Variants in BOC observed in about 807,000 individuals in gnomAD.
BOC encodes the protein BOC cell adhesion associated, oncogene regulated.
In BOC, 76 loss-of-function variants were observed where a neutral mutation model predicts 112.0. That is an observed-to-expected ratio of 0.68 (90% CI 0.56 to 0.82). The LOEUF (loss-of-function observed/expected upper bound fraction) is 0.82. Ranked by LOEUF, BOC falls within the 40% of genes least tolerant of loss-of-function variation. The pLI is 0.00. For missense variants in BOC, 1,309 were observed against 1,511.7 expected (o/e 0.87, Z 2.22); for synonymous variants, 580 against 599.8 (o/e 0.97, Z 0.48).
intron 2 of BOC, among the ~76,000 whole-genome samples, chr3:113,220,111 G>T (rs954774411): frequency 1.3e-5 from 2 of 152,084 alleles, no homozygotes; most frequent in Non-Finnish European, 2.9e-5. Context: ...AACACCCTGG[G>T]GAAGGAAGTA....
chr3:113,272,663 G>GC lies in BOC; in HGVS notation c.924dup (p.Gly309ArgfsTer13). 1 of 1,613,874 alleles carries GC rather than the reference G, an allele frequency of 6.2e-7. No homozygotes were observed. Among genetic ancestry groups the GC allele is most frequent in the Non-Finnish European group, 8.5e-7 (1 of 1,179,978 alleles). ...GCATGGCCGACAATGGGGTTGGGCA[G>GC]CCCGGGGCAGCGGTCATCCTCTACA... is the stretch of plus-strand genomic sequence containing the variant. On this transcript the variant is annotated frameshift_variant, in exon 7 of 20. Coordinates refer to ENST00000682979, the MANE Select transcript of BOC (RefSeq NM_001378074.1). LOFTEE classifies it high-confidence loss of function.
chr3:113,284,911 T>C, intron 18 of BOC, 53 bp downstream of exon 18: 1 of 1,535,548 alleles, frequency 6.5e-7, no homozygotes, highest in Non-Finnish European at 9.0e-7. Context: ...CACTTTCCCT[T>C]TAGCTCCTCA....
chr3:113,260,167 C>T (rs546453059), intron 4 of BOC, among the ~76,000 whole-genome samples: 8 of 152,252 alleles, frequency 5.3e-5, no homozygotes, highest in African/African-American at 1.9e-4. Flanking sequence ...ACACCATAGG[C>T]CTTCTGTGAA....
At chr3:113,267,663 C>T (rs1046080440) in intron 4 of BOC, among the ~76,000 whole-genome samples, 2 of 152,198 alleles carry the variant, frequency 1.3e-5, no homozygotes, top group African/African-American at 4.8e-5. Context: ...TAACCATGGC[C>T]GGCAACCAAG....
intron 2 of BOC, among the ~76,000 whole-genome samples, chr3:113,223,279 C>CAATTTTAAA (rs2107635917): frequency 6.6e-6 from 1 of 152,278 alleles, no homozygotes; most frequent in African/African-American, 2.4e-5. Context: ...ATTAGTAGCC[C>CAATTTTAAA]TTTTTAAAAA....
intron 2 of BOC, among the ~76,000 whole-genome samples, chr3:113,217,368 CA>C (rs1302369888): frequency 1.3e-5 from 2 of 152,022 alleles, no homozygotes; most frequent in African/African-American, 4.8e-5. Context: ...AACAAACAAA[CA>C]AACAAAAATT....
At chr3:113,226,705 G>A (rs185283233) in intron 2 of BOC, among the ~76,000 whole-genome samples, 6 of 152,258 alleles carry the variant, frequency 3.9e-5, no homozygotes, top group Admixed American at 3.3e-4. Flanking sequence ...CTGGCTAGGG[G>A]GTGCTGACCT....
At position 113,287,307 on chromosome 3, in the gene BOC, T is replaced by C. The variant is rs1949772790; in HGVS notation, c.*445T>C. On this transcript the variant is annotated 3_prime_UTR_variant, in exon 20 of 20. Transcript: ENST00000682979. ...TGGATCCGGTGCTACGGGAAACATTTTCCTAAGATGCCCATGAGAACAGAC... is the reference window on the plus strand; with the variant it reads ...TGGATCCGGTGCTACGGGAAACATTCTCCTAAGATGCCCATGAGAACAGAC... 1 of 304,846 alleles carries C rather than the reference T, an allele frequency of 3.3e-6. No homozygotes were observed. The highest frequency in any genetic ancestry group is 4.5e-5 in the Admixed American group (1 of 22,002). The allele number at this position is 304,846 out of a possible 1,614,324, so 18.9% of individuals were successfully genotyped here.
intron 2 of BOC, among the ~76,000 whole-genome samples, chr3:113,217,296 G>C (rs1576310551): frequency 6.6e-6 from 1 of 152,222 alleles, no homozygotes; most frequent in South Asian, 2.1e-4. Flanking sequence ...TGGGAAGACT[G>C]CTTGAACCCA....
intron 2 of BOC, among the ~76,000 whole-genome samples, chr3:113,233,541 C>T (rs1054220710): frequency 2.0e-5 from 3 of 152,150 alleles, no homozygotes; most frequent in African/African-American, 7.2e-5. Context: ...TATGTGACTA[C>T]AGTGCTCGCT....
chr3:113,263,130 T>A (rs1381217232), intron 4 of BOC, among the ~76,000 whole-genome samples: 2 of 152,202 alleles, frequency 1.3e-5, no homozygotes, highest in Non-Finnish European at 2.9e-5. Flanking sequence ...CAGGGACAAG[T>A]TGAGGCTTGG....
Position 113,278,040 on chromosome 3 carries a change from C to T in BOC, c.1543-55C>T. The T allele has an allele frequency of 6.3e-7, 1 of 1,595,676 alleles. No individual in the cohort carries two copies. The highest frequency in any genetic ancestry group is 8.6e-7 in the Non-Finnish European group (1 of 1,166,242). On this transcript the variant is annotated intron_variant, in intron 9 of 19. Coordinates refer to ENST00000682979, the MANE Select transcript of BOC (RefSeq NM_001378074.1). The surrounding 1 kb of genome is among the most constrained non-coding windows in gnomAD (Gnocchi z 4.2). ...GCGCTGCTTTCTTTGTAAACCATAG[C>T]CCACTCGTAGCCCGAGGCTGAGATG...
chr3:113,242,798 C>T (rs1944465403), intron 2 of BOC, among the ~76,000 whole-genome samples: 1 of 152,040 alleles, frequency 6.6e-6, no homozygotes, highest in South Asian at 2.1e-4. Context: ...AGTGTCCTAC[C>T]TTGTCTCTTT....
chr3:113,279,098 A>T, intron 11 of BOC, 151 bp from the exon 12 acceptor site: 1 of 799,596 alleles, frequency 1.3e-6, no homozygotes, highest in Non-Finnish European at 2.0e-6. Context: ...GGGAGGTCTG[A>T]TGTGAACACC....
At chr3:113,250,409 A>G in intron 3 of BOC, 146 bp from the exon 4 acceptor site, 1 of 904,994 alleles carries the variant, frequency 1.1e-6, no homozygotes, top group Non-Finnish European at 1.6e-6. Context: ...GCAGGTTGGG[A>G]AATGGACAAG....
chr3:113,260,907 C>T (rs1946804432), intron 4 of BOC, among the ~76,000 whole-genome samples: 1 of 152,030 alleles, frequency 6.6e-6, no homozygotes, highest in Admixed American at 6.6e-5. Flanking sequence ...CAAAACCATC[C>T]CCCCCAGTCT....
At chr3:113,247,899 T>G (rs529118958) in intron 2 of BOC, among the ~76,000 whole-genome samples, 1 of 152,374 alleles carries the variant, frequency 6.6e-6, no homozygotes, top group East Asian at 1.9e-4. Flanking sequence ...GAAATTATCT[T>G]AACTTGCCAG....
chr3:113,286,540 C>G, intron 19 of BOC, 135 bp from the exon 20 acceptor site: 2 of 793,460 alleles, frequency 2.5e-6, no homozygotes, highest in Non-Finnish European at 3.9e-6. Context: ...GCCCTTGTCT[C>G]GGTTGTAGGT....
At position 113,281,234 on chromosome 3, in the gene BOC, G is replaced by A. The variant is rs1266760380; in HGVS notation, c.2434+81G>A. 2.0e-6 allele frequency: 3 copies of A among 1,513,740 alleles called. No individual in the cohort carries two copies. In the East Asian group the frequency reaches 6.9e-5, roughly 35 times the overall value. 93.8% of individuals were successfully genotyped at this position (1,513,740 alleles called of 1,614,324 possible). ...AGTCACCATTCCCTGTGCCTGTGCG[G>A]TGCTGGGCCTCTTTCCCAGGAAGAC... is the stretch of plus-strand genomic sequence containing the variant. On this transcript the variant is annotated intron_variant, in intron 15 of 19. Transcript: ENST00000682979.
Sources: gnomAD v4.1 joint callset for allele counts (sites outside exome capture counted in the v4.1 genomes callset) on GRCh38, gnomAD v4.1.1 for gene constraint, Gnocchi (gnomAD v3.1) non-coding constraint, MANE v1.5 for transcripts, NCBI Gene and HGNC (gene_info 2026-07-23, HGNC 2026-07-21) for gene names.